Variants in FAM234A observed in about 807,000 individuals in gnomAD.
FAM234A encodes the protein protein FAM234A.
A neutral mutation model predicts 49.1 loss-of-function variants in FAM234A; 42 were observed. The observed-to-expected ratio is 0.86, with a 90% confidence interval of 0.67 to 1.11. The LOEUF is 1.11. Among genes scored for constraint, FAM234A ranks in the 50% least tolerant of loss-of-function variants. The pLI is 0.00. For missense variants in FAM234A, 815 were observed against 745.2 expected, an observed-to-expected ratio of 1.09 and a Z score of -1.09; for synonymous variants, 369 against 316.2, an observed-to-expected ratio of 1.17 and a Z score of -1.77.
At chr16:249,912 C>T (rs1387659816) in intron 2 of FAM234A, among the ~76,000 whole-genome samples, 1 of 151,882 alleles carries the variant, frequency 6.6e-6, no homozygotes, top group Non-Finnish European at 1.5e-5. Flanking sequence ...CTTTCCTTTG[C>T]CAAAGGAATC....
intron 1 of FAM234A, among the ~76,000 whole-genome samples, chr16:240,001 A>G (rs1475839785): frequency 6.6e-6 from 1 of 152,222 alleles, no homozygotes; most frequent in South Asian, 2.1e-4. Context: ...GCTGTAAACA[A>G]CTGGACACAG....
At chr16:258,580 C>T (rs1392172814) in intron 3 of FAM234A, among the ~76,000 whole-genome samples, 3 of 152,194 alleles carry the variant, frequency 2.0e-5, no homozygotes, top group Admixed American at 1.3e-4. Flanking sequence ...AGCAACCATC[C>T]GATTTCTCAA....
chr16:255,773 C>T (rs1344384333), intron 3 of FAM234A, among the ~76,000 whole-genome samples: 1 of 152,216 alleles, frequency 6.6e-6, no homozygotes, highest in Non-Finnish European at 1.5e-5. Flanking sequence ...AAGTGATTCT[C>T]CTGCCCCAGC....
rs911363605 is a variant in FAM234A at position 265,630 on chromosome 16, C to A, written c.*608C>A. 4 of 985,448 alleles carry A rather than the reference C, an allele frequency of 4.1e-6. No homozygotes were observed. In the African/African-American group the frequency reaches 5.2e-5, roughly 13 times the overall value. The allele number at this position is 985,448 out of a possible 1,614,324, so 61.0% of individuals were successfully genotyped here. ...GGGGGTGTGACTTGGTTCCTTTGAC[C>A]AGGTCCTGTGAGGAAGCCTGGAGCA... On this transcript the variant is annotated 3_prime_UTR_variant, in exon 13 of 13. Transcript: ENST00000399932.
chr16:244,844 C>A (rs781136791), intron 1 of FAM234A, among the ~76,000 whole-genome samples: 2 of 151,508 alleles, frequency 1.3e-5, no homozygotes, highest in Non-Finnish European at 2.9e-5. Flanking sequence ...TGCACCACCA[C>A]GCCCGGCTAA....
chr16:248,860 A>G (rs1157752437), intron 1 of FAM234A, among the ~76,000 whole-genome samples: 1 of 151,786 alleles, frequency 6.6e-6, no homozygotes, highest in East Asian at 1.9e-4. Context: ...GGCTCAAGCG[A>G]CCCACCTGCC....
At chr16:255,457 C>G (rs546518304) in intron 3 of FAM234A, among the ~76,000 whole-genome samples, 1 of 152,220 alleles carries the variant, frequency 6.6e-6, no homozygotes, top group East Asian at 1.9e-4. Context: ...AGCTGTGGTC[C>G]CAGCTACTTG....
intron 2 of FAM234A, among the ~76,000 whole-genome samples, 196 bp downstream of exon 2, chr16:249,850 G>C (rs187772379): frequency 6.6e-6 from 1 of 152,102 alleles, no homozygotes; most frequent in Non-Finnish European, 1.5e-5. Context: ...GTTTAAAGCC[G>C]TAAAGATAGA....
rs1195938500 is a variant in FAM234A at position 264,077 on chromosome 16, C to T, written c.1250C>T (p.Pro417Leu). ...VLCSLALPSL[P>L]GGPLSASLPT... is the part of the protein sequence containing the mutation. ...TGTAGCCTAGCCCTCCCGAGCCTCC[C>T]TGGGGGTCCACTGTCCGCCAGCCTG... The change falls in exon 11 of 13, where the codon CCT (proline) becomes CTT (leucine). Residue 417 changes from proline (P) to leucine (L), a missense_variant. Pro to Leu is a moderately conservative substitution (Grantham distance 98, BLOSUM62 -3). Transcript: ENST00000399932. 6.2e-6 allele frequency: 10 copies of T among 1,612,908 alleles called. No homozygotes were observed. The Admixed American group carries it at 1.2e-4, about 19-fold the overall frequency.
chr16:261,819 C>T (rs539163776), intron 6 of FAM234A, among the ~76,000 whole-genome samples: 19 of 152,318 alleles, frequency 1.2e-4, no homozygotes, highest in South Asian at 4.1e-4. Flanking sequence ...GGCTGCCCTG[C>T]CTGCCTCATG....
rs571808126 is a variant in FAM234A, at chr16:262,621, C to T, written c.971+68C>T. On this transcript the variant is annotated intron_variant, in intron 8 of 12. Transcript: ENST00000399932. The stretch of plus-strand genomic sequence containing the variant: ...CCATGGCTCTGCTCGCCTGCCTCAG[C>T]GTTCGGACAATCTGTGTGGAGCCCA... 341 of 1,468,654 alleles carry T rather than the reference C, an allele frequency of 2.3e-4. No individual in the cohort carries two copies. The African/African-American group carries it at 4.2e-3, about 18-fold the overall frequency. 91.0% of individuals were successfully genotyped at this position (1,468,654 alleles called of 1,614,324 possible).
At position 259,994 on chromosome 16, in the gene FAM234A, A is replaced by C. The variant is rs1418710207; in HGVS notation, c.411A>C (p.Ala137=). 8 of 1,613,442 alleles carry C rather than the reference A, an allele frequency of 5.0e-6. No homozygotes were observed. The highest frequency in any genetic ancestry group is 6.8e-6 in the Non-Finnish European group (8 of 1,179,970). Residue 137 remains alanine (A), a synonymous_variant, in exon 5 of 13, where the codon GCA becomes GCC. Coordinates refer to ENST00000399932, the MANE Select transcript of FAM234A (RefSeq NM_032039.4). ...GCTTTTCCTCTCCCTGCACCTTTGCAGCTGCTGTGTCGGGGGCCAACGGCA... is the reference window on the plus strand; with the variant it reads ...GCTTTTCCTCTCCCTGCACCTTTGCCGCTGCTGTGTCGGGGGCCAACGGCA... ...DEGFSSPCTF[A]AAVSGANGST...
chr16:248,163 C>G (rs566379442), intron 1 of FAM234A: 2 of 152,240 alleles, frequency 1.3e-5, no homozygotes, highest in African/African-American at 4.8e-5. Context: ...TCACAAGACA[C>G]AGATGACCCA....
intron 3 of FAM234A, among the ~76,000 whole-genome samples, chr16:257,967 C>T (rs1359997851): frequency 2.6e-5 from 4 of 152,194 alleles, no homozygotes; most frequent in African/African-American, 9.6e-5. Flanking sequence ...AGGCGATTCT[C>T]CTGCCTTAGC....
At chr16:254,043 C>G (rs1261076767) in intron 2 of FAM234A, 3 of 272,368 alleles carry the variant, frequency 1.1e-5, no homozygotes, top group Non-Finnish European at 2.1e-5. Flanking sequence ...TGCTCAGAGG[C>G]TGAGTAGGTG....
rs1331388681 is a variant in FAM234A at position 259,975 on chromosome 16, C to A, written c.392C>A (p.Ser131Tyr). Residue 131 changes from serine (S) to tyrosine (Y), a missense_variant, in exon 5 of 13, where the codon TCC (serine) becomes TAC (tyrosine). By Grantham distance (144) the Ser-to-Tyr change is moderately radical. Coordinates refer to ENST00000399932, the MANE Select transcript of FAM234A (RefSeq NM_032039.4). ...CCGGTGTCTCTCCCTACAGGCTTTT[C>A]CTCTCCCTGCACCTTTGCAGCTGCT... ...FSRSCVDEGF[S>Y]SPCTFAAAVS... is the part of the protein sequence containing the mutation. 1.9e-6 allele frequency: 3 copies of A among 1,612,808 alleles called. No individual in the cohort carries two copies. In the African/African-American group the frequency reaches 4.0e-5, roughly 22 times the overall value.
intron 11 of FAM234A, 77 bp from the exon 12 acceptor site, chr16:264,537 C>G (rs1301609687): frequency 9.1e-6 from 9 of 991,854 alleles, no homozygotes; most frequent in African/African-American, 1.6e-5. Flanking sequence ...GAGCTCCAGG[C>G]ACGGTCACTC....
intron 1 of FAM234A, among the ~76,000 whole-genome samples, chr16:236,121 TTTTTTTA>T (rs1291057841): frequency 1.3e-5 from 2 of 151,784 alleles, no homozygotes; most frequent in African/African-American, 4.8e-5. Context: ...CCCAGCTAAT[TTTTTTTA>T]TTTTTTATTT....
chr16:267,128 C>T (rs2051714047), downstream of FAM234A, among the ~76,000 whole-genome samples: 1 of 152,082 alleles, frequency 6.6e-6, no homozygotes. Context: ...ACTGCGGGCC[C>T]TAGAGAGTCT....
Sources: allele counts gnomAD v4.1 joint callset (sites outside exome capture counted in the v4.1 genomes callset), GRCh38; gene constraint gnomAD v4.1.1; transcripts MANE v1.5; gene names NCBI Gene and HGNC (gene_info 2026-07-23, HGNC 2026-07-21).